NSD3: variants seen among roughly 807,000 people sequenced by gnomAD.
The protein encoded by NSD3 is nuclear receptor binding SET domain protein 3.
NSD3 carries 24 observed loss-of-function variants against 160.8 expected under a neutral mutation model. That is an observed-to-expected ratio of 0.15 (90% CI 0.11 to 0.21). The LOEUF (loss-of-function observed/expected upper bound fraction) is 0.21. Among genes scored for constraint, NSD3 ranks in the 10% least tolerant of loss-of-function variants. The probability of loss-of-function intolerance (pLI) is 1.00; values close to 1 mark genes in which losing one functional copy is unlikely to be tolerated. For synonymous variants in NSD3, 520 were observed against 600.0 expected (o/e 0.87, Z 1.95); for missense variants, 1,157 against 1,735.9 (o/e 0.67, Z 5.93).
chr8:38,318,949 A>T lies in NSD3; in HGVS notation c.1810-9T>A. ...TGAGGAACTGTTTCAACCTGTTTGG[A>T]CAGAAAAATACAGCATTAACAAAGA... On this transcript the variant is annotated splice_polypyrimidine_tract_variant and intron_variant, in intron 8 of 23. Transcript: ENST00000317025. The surrounding 1 kb of genome is among the most constrained non-coding windows in gnomAD (Gnocchi z 5.3). The T allele has an allele frequency of 6.2e-7, 1 of 1,600,192 alleles. No homozygotes were observed. The highest frequency in any genetic ancestry group is 8.5e-7 in the Non-Finnish European group (1 of 1,175,938).
At chr8:38,299,660 C>A (rs1266938683) in intron 14 of NSD3, 70 bp from the exon 15 acceptor site, 1 of 1,425,010 alleles carries the variant, frequency 7.0e-7, no homozygotes, top group Non-Finnish European at 9.2e-7. Flanking sequence ...AAAAAATAAA[C>A]CAACACCTAT....
chr8:38,349,331 A>G (rs1376365488), intron 1 of NSD3, among the ~76,000 whole-genome samples: 1 of 151,632 alleles, frequency 6.6e-6, no homozygotes, highest in African/African-American at 2.4e-5. Flanking sequence ...TTTTTTACTT[A>G]TTTTTCTTTT....
chr8:38,299,351 G>A, intron 15 of NSD3, 93 bp downstream of exon 15: 3 of 1,360,602 alleles, frequency 2.2e-6, no homozygotes, highest in Non-Finnish European at 3.0e-6. Context: ...GCAACAGATG[G>A]TGCTTGACAG....
intron 12 of NSD3, among the ~76,000 whole-genome samples, chr8:38,312,731 A>C (rs1201923174): frequency 1.3e-5 from 2 of 152,116 alleles, no homozygotes; most frequent in Admixed American, 6.6e-5. Flanking sequence ...GCCTTCTGCC[A>C]TGATTGTAAG....
At chr8:38,297,457 C>T (rs750386713) in intron 15 of NSD3, among the ~76,000 whole-genome samples, 2 of 152,072 alleles carry the variant, frequency 1.3e-5, no homozygotes, top group African/African-American at 2.4e-5. Context: ...CATGAGTGTA[C>T]GAAGATTTAA....
At chr8:38,280,870 G>C (rs544211948) in intron 20 of NSD3, among the ~76,000 whole-genome samples, 3 of 150,874 alleles carry the variant, frequency 2.0e-5, no homozygotes, top group Non-Finnish European at 4.4e-5. Context: ...CTCCTGCCTC[G>C]GCCTCCTGAG....
In NSD3 at chr8:38,321,349, T is replaced by A. The variant is rs1424340425; in HGVS notation, c.1709-177A>T. 1.3e-5 allele frequency among the ~76,000 whole-genome samples: 2 copies of A among 152,196 alleles called. No homozygotes were observed. The highest frequency in any genetic ancestry group is 4.1e-4 in the South Asian group (2 of 4,834). On this transcript the variant is annotated intron_variant, in intron 7 of 23. Coordinates refer to ENST00000317025, the MANE Select transcript of NSD3 (RefSeq NM_023034.2). This position sits in a 1 kb window ranked among gnomAD's most constrained non-coding sequence, Gnocchi z 4.7. ...ATATAAATTATTTAACAGATCAAAT[T>A]GTAAAGGCTGATAAGCTGAGACTGG...
At chr8:38,277,581 G>A (rs992904941) in intron 22 of NSD3, among the ~76,000 whole-genome samples, 1 of 151,996 alleles carries the variant, frequency 6.6e-6, no homozygotes, top group Non-Finnish European at 1.5e-5. Context: ...CCAGCCAGGT[G>A]CTTTTTATTT....
Position 38,288,778 on chromosome 8 carries a change from G to A in NSD3, c.3232-22C>T, listed in dbSNP as rs765311364. On this transcript the variant is annotated intron_variant, in intron 18 of 23. Transcript: ENST00000317025. This position sits in a 1 kb window ranked among gnomAD's most constrained non-coding sequence, Gnocchi z 4.5. ...TAGCCTAGAAAACAAAATCGCAAGC[G>A]AGAGAGAGGCAGCAGGTAAGTCATC... is the stretch of plus-strand genomic sequence containing the variant. 95 of 1,606,410 alleles carry A rather than the reference G, an allele frequency of 5.9e-5. No homozygotes were observed. Among genetic ancestry groups the A allele is most frequent in the Non-Finnish European group, 6.7e-5 (79 of 1,174,218 alleles).
At chr8:38,313,615 C>T (rs1244889249) in intron 12 of NSD3, among the ~76,000 whole-genome samples, 1 of 151,836 alleles carries the variant, frequency 6.6e-6, no homozygotes, top group Admixed American at 6.6e-5. Flanking sequence ...GGTGAAACCT[C>T]GTCTCTACTA....
intron 1 of NSD3, among the ~76,000 whole-genome samples, chr8:38,369,824 T>G (rs1430591417): frequency 6.6e-6 from 1 of 152,200 alleles, no homozygotes; most frequent in Non-Finnish European, 1.5e-5. Flanking sequence ...AGACAGAGTC[T>G]CGCTCTGTTG....
rs917269474 is a variant in NSD3, at chr8:38,270,975, A to G, written c.*4666T>C. The G allele has an allele frequency of 1.3e-5, 2 of 152,250 alleles. No homozygotes were observed. The highest frequency in any genetic ancestry group is 6.5e-5 in the Admixed American group (1 of 15,290). The allele number at this position is 152,250 out of a possible 1,614,324, so 9.4% of individuals were successfully genotyped here. On this transcript the variant is annotated 3_prime_UTR_variant, in exon 24 of 24. Transcript: ENST00000317025. ...CGGATTACCCACATTTTGGGAGTGTAACGTAAGTGCAATTTTTTGTTTTGT... is the reference window on the plus strand; with the variant it reads ...CGGATTACCCACATTTTGGGAGTGTGACGTAAGTGCAATTTTTTGTTTTGT...
Position 38,317,697 on chromosome 8 carries a change from G to GTT in NSD3, c.1855+1197_1855+1198insAA, listed in dbSNP as rs908955853. ...ACAGTCCATGTTGAAATTGATCAGT[G>GTT]TAAGTTAAATGGTGGTTTTTAGGCT... On this transcript the variant is annotated intron_variant, in intron 9 of 23. Transcript: ENST00000317025. The surrounding 1 kb of genome is among the most constrained non-coding windows in gnomAD (Gnocchi z 5.3). 14 of 1,328,616 alleles carry GTT rather than the reference G, an allele frequency of 1.1e-5. No homozygotes were observed. Among genetic ancestry groups the GTT allele is most frequent in the African/African-American group, 3.0e-5 (2 of 67,642 alleles). 82.3% of individuals were successfully genotyped at this position (1,328,616 alleles called of 1,614,324 possible).
chr8:38,340,122 A>C (rs1160470459), intron 2 of NSD3, among the ~76,000 whole-genome samples: 4 of 152,148 alleles, frequency 2.6e-5, no homozygotes, highest in Non-Finnish European at 4.4e-5. Context: ...TTACTTCTAC[A>C]ATTTAAAAGA....
intron 12 of NSD3, among the ~76,000 whole-genome samples, chr8:38,307,132 AAT>A (rs199702207): frequency 1.2e-4 from 14 of 112,314 alleles, no homozygotes; most frequent in African/African-American, 2.8e-4. Context: ...AAAAAAATAA[AAT>A]AAAATAAATA....
rs532619556 is a variant in NSD3 at position 38,344,432 on chromosome 8, C to T, written c.675+3065G>A. On this transcript the variant is annotated intron_variant, in intron 2 of 23. Transcript: ENST00000317025. ...GATTACAGGTACCCACCACCACGCC[C>T]GGCTAATTTTTAAATATTTTTAGTA... 4.6e-5 allele frequency among the ~76,000 whole-genome samples: 7 copies of T among 152,206 alleles called. No homozygotes were observed. In the East Asian group the frequency reaches 5.8e-4, roughly 13 times the overall value.
chr8:38,281,609 C>A (rs750389860), intron 19 of NSD3, 26 bp from the exon 20 acceptor site: 28 of 1,501,148 alleles, frequency 1.9e-5, no homozygotes, highest in Non-Finnish European at 2.6e-5. Context: ...CAATATGTAA[C>A]TTAAAATCAG....
intron 1 of NSD3, among the ~76,000 whole-genome samples, chr8:38,373,797 T>C (rs1005371693): frequency 1.3e-5 from 2 of 151,754 alleles, no homozygotes; most frequent in African/African-American, 2.4e-5. Flanking sequence ...TACAAAAAAA[T>C]TTTAAAAAAT....
At chr8:38,293,922 CAAAAAAAAAAAAAAAAAAA>C (rs11290856) in intron 16 of NSD3, among the ~76,000 whole-genome samples, 10 of 49,934 alleles carry the variant, frequency 2.0e-4, no homozygotes, top group African/African-American at 3.7e-4. Flanking sequence ...GACTCCGTCT[CAAAAAAAAAAAAAAAAAAA>C]AAAAAAAAAA....
Sources: allele counts gnomAD v4.1 joint callset (sites outside exome capture counted in the v4.1 genomes callset), GRCh38; gene constraint gnomAD v4.1.1; non-coding constraint Gnocchi (gnomAD v3.1); transcripts MANE v1.5; gene names NCBI Gene and HGNC (gene_info 2026-07-23, HGNC 2026-07-21).